The following PCOLCE2 variants were observed in gnomAD, a reference collection of about 807,000 sequenced individuals.
PCOLCE2 encodes the protein procollagen C-endopeptidase enhancer 2.
A neutral mutation model predicts 47.0 loss-of-function variants in PCOLCE2; 42 were observed. The ratio of observed to expected loss-of-function variants is 0.89; its 90% confidence interval spans 0.70 to 1.16. PCOLCE2 has a LOEUF of 1.16. PCOLCE2 is among the 50% of genes most tolerant of loss of function. PCOLCE2 has a pLI of 0.00. For missense variants in PCOLCE2, 500 were observed against 526.1 expected (o/e 0.95, Z 0.49); for synonymous variants, 169 against 191.7 (o/e 0.88, Z 0.98).
At chr3:142,882,123 G>A (rs930677795) in intron 2 of PCOLCE2, among the ~76,000 whole-genome samples, 3 of 151,660 alleles carry the variant, frequency 2.0e-5, no homozygotes, top group Non-Finnish European at 4.4e-5. Flanking sequence ...TCTGACTCCT[G>A]GGCTCAAGAG....
chr3:142,867,902 T>C (rs753427594), intron 2 of PCOLCE2, among the ~76,000 whole-genome samples: 16 of 152,188 alleles, frequency 1.1e-4, no homozygotes, highest in Non-Finnish European at 1.6e-4. Flanking sequence ...GGCAGAATTG[T>C]GGAGGACTGT....
Position 142,829,750 on chromosome 3 carries a change from T to C in PCOLCE2, c.807A>G (p.Pro269=), listed in dbSNP as rs764999420. The C allele has an allele frequency of 7.5e-6, 12 of 1,610,736 alleles. No homozygotes were observed. In the South Asian group the frequency reaches 7.7e-5, roughly 10 times the overall value. The change falls in exon 6 of 9, where the codon CCA becomes CCG. Residue 269 remains proline (P), a synonymous_variant. Transcript: ENST00000295992. The stretch of plus-strand genomic sequence containing the variant: ...GTTCTGTAGTTGTAGGCAGTTTTTT[T>C]GGCCTGAATATGTAGTGACCAATAA... ...DGFIGHYIFR[P]KKLPTTTEQP...
chr3:142,846,414 G>A (rs1474675437), intron 3 of PCOLCE2, among the ~76,000 whole-genome samples: 1 of 152,158 alleles, frequency 6.6e-6, no homozygotes, highest in African/African-American at 2.4e-5. Context: ...TGGCCAGGCT[G>A]GTCTTGAACT....
rs1200059441 is a variant in PCOLCE2, at chr3:142,818,484, G to A, written c.1118-19C>T. 6.3e-7 allele frequency: 1 copy of A among 1,592,184 alleles called. No individual in the cohort carries two copies. Among genetic ancestry groups the A allele is most frequent in the African/African-American group, 1.3e-5 (1 of 74,530 alleles). On this transcript the variant is annotated intron_variant, in intron 8 of 8. Transcript: ENST00000295992. Reference sequence around the variant, plus strand: ...TTTAGACCTAAAGAAAGAGAATACAGAAATTAATCTTTTTCTCTATGTATC... The same window carrying A: ...TTTAGACCTAAAGAAAGAGAATACAAAAATTAATCTTTTTCTCTATGTATC...
chr3:142,827,829 A>T, intron 6 of PCOLCE2: 1 of 558,664 alleles, frequency 1.8e-6, no homozygotes, highest in Non-Finnish European at 3.2e-6. Flanking sequence ...GACACCTCAA[A>T]CCCAACAAGG....
At chr3:142,850,776 T>G (rs1932918563) in intron 2 of PCOLCE2, among the ~76,000 whole-genome samples, 1 of 149,798 alleles carries the variant, frequency 6.7e-6, no homozygotes, top group Admixed American at 6.7e-5. Context: ...TTTCAAGGAG[T>G]TTTGCTGTGA....
chr3:142,838,497 G>T (rs1937229386), intron 5 of PCOLCE2, among the ~76,000 whole-genome samples: 1 of 152,090 alleles, frequency 6.6e-6, no homozygotes, highest in South Asian at 2.1e-4. Flanking sequence ...TTTCCACCAT[G>T]ATTGTACATT....
intron 2 of PCOLCE2, among the ~76,000 whole-genome samples, chr3:142,851,352 G>A (rs1330711724): frequency 6.6e-6 from 1 of 152,158 alleles, no homozygotes; most frequent in African/African-American, 2.4e-5. Context: ...TCAGCTCCGT[G>A]GGCAAAGGTA....
chr3:142,825,312 G>A (rs1194235301), intron 6 of PCOLCE2, among the ~76,000 whole-genome samples: 1 of 152,130 alleles, frequency 6.6e-6, no homozygotes, highest in Non-Finnish European at 1.5e-5. Context: ...GGGGCCTGCT[G>A]TCTGGCCTGC....
intron 2 of PCOLCE2, among the ~76,000 whole-genome samples, chr3:142,878,119 G>T (rs1340954676): frequency 2.0e-5 from 3 of 152,020 alleles, no homozygotes; most frequent in Non-Finnish European, 4.4e-5. Flanking sequence ...TTGATTAAAT[G>T]GTCTCTCCCT....
intron 2 of PCOLCE2, among the ~76,000 whole-genome samples, chr3:142,865,856 T>G (rs1344878762): frequency 6.6e-5 from 10 of 152,218 alleles, no homozygotes; most frequent in Admixed American, 6.5e-4. Flanking sequence ...CTTATTTTTC[T>G]CTTTTTAAAA....
Position 142,887,789 on chromosome 3 carries a change from AAAG to A in PCOLCE2, c.84-15_84-13del. The A allele has an allele frequency of 7.3e-7, 1 of 1,362,164 alleles. No homozygotes were observed. The highest frequency in any genetic ancestry group is 1.1e-6 in the Non-Finnish European group (1 of 951,848). The allele number at this position is 1,362,164 out of a possible 1,614,324, so 84.4% of individuals were successfully genotyped here. A position where few individuals can be genotyped will look rare whatever the true frequency, so the allele number is the denominator to read the frequency against. On this transcript the variant is annotated splice_polypyrimidine_tract_variant and intron_variant, in intron 1 of 8. Transcript: ENST00000295992. Reference sequence around the variant, plus strand: ...ATGTGAAAACAGGTCTGGGAACATAAAAGAAGAAAAGATAATGTAATTTGAAAC... The same window carrying A: ...ATGTGAAAACAGGTCTGGGAACATAAAAGAAAAGATAATGTAATTTGAAAC...
At chr3:142,857,150 G>A (rs980253965) in intron 2 of PCOLCE2, among the ~76,000 whole-genome samples, 2 of 152,200 alleles carry the variant, frequency 1.3e-5, no homozygotes, top group African/African-American at 4.8e-5. Flanking sequence ...CGAGCCTGGT[G>A]CTTCGGGTGC....
chr3:142,827,744 T>A, intron 6 of PCOLCE2: 1 of 746,020 alleles, frequency 1.3e-6, no homozygotes, highest in Non-Finnish European at 2.3e-6. Context: ...CTCTTAAATT[T>A]AAATCTGGCT....
intron 2 of PCOLCE2, among the ~76,000 whole-genome samples, chr3:142,853,514 T>C (rs372120189): frequency 1.3e-5 from 2 of 152,314 alleles, no homozygotes; most frequent in East Asian, 3.9e-4. Flanking sequence ...AAGCTTAACA[T>C]CAAAAATATT....
At chr3:142,886,297 T>C (rs1326466312) in intron 2 of PCOLCE2, among the ~76,000 whole-genome samples, 1 of 152,218 alleles carries the variant, frequency 6.6e-6, no homozygotes. Context: ...CAACCATGAA[T>C]TTCTACTTGG....
intron 1 of PCOLCE2, among the ~76,000 whole-genome samples, chr3:142,888,139 AAGAC>A (rs1933749760): frequency 6.6e-6 from 1 of 152,228 alleles, no homozygotes; most frequent in Non-Finnish European, 1.5e-5. Context: ...GTTTTAAAGA[AAGAC>A]AGGCAAGCAA....
intron 2 of PCOLCE2, among the ~76,000 whole-genome samples, chr3:142,874,343 G>A (rs2108209305): frequency 6.6e-6 from 1 of 152,228 alleles, no homozygotes; most frequent in African/African-American, 2.4e-5. Flanking sequence ...CAAAGTGTTG[G>A]GATTAAAGGC....
At chr3:142,845,360 T>C (rs1351824673) in intron 3 of PCOLCE2, among the ~76,000 whole-genome samples, 1 of 152,252 alleles carries the variant, frequency 6.6e-6, no homozygotes, top group Non-Finnish European at 1.5e-5. Flanking sequence ...TATTACATCA[T>C]ACACTATATA....
Sources: gnomAD v4.1 joint callset for allele counts (sites outside exome capture counted in the v4.1 genomes callset) on GRCh38, gnomAD v4.1.1 for gene constraint, MANE v1.5 for transcripts, NCBI Gene and HGNC (gene_info 2026-07-23, HGNC 2026-07-21) for gene names.